The following B3GLCT variants were observed in gnomAD, a reference collection of about 807,000 sequenced individuals.
B3GLCT encodes the protein beta 3-glucosyltransferase.
A neutral mutation model predicts 63.4 loss-of-function variants in B3GLCT; 65 were observed. That is an observed-to-expected ratio of 1.03 (90% CI 0.84 to 1.26). The LOEUF is 1.26. B3GLCT is among the 50% of genes most tolerant of loss of function. B3GLCT has a pLI of 0.00. For synonymous variants in B3GLCT, 233 were observed against 219.2 expected, an observed-to-expected ratio of 1.06 and a Z score of -0.55; for missense variants, 577 against 604.8, an observed-to-expected ratio of 0.95 and a Z score of 0.48.
At chr13:31,315,183 A>G (rs570310272) in intron 12 of B3GLCT, among the ~76,000 whole-genome samples, 1 of 152,318 alleles carries the variant, frequency 6.6e-6, no homozygotes, top group African/African-American at 2.4e-5. Context: ...AAGATACTCA[A>G]ATATGTGGAA....
chr13:31,255,487 T>C (rs945251430), intron 6 of B3GLCT, among the ~76,000 whole-genome samples: 3 of 152,186 alleles, frequency 2.0e-5, no homozygotes, highest in Admixed American at 6.5e-5. Flanking sequence ...AGAGTCCACA[T>C]AGCCAAGACA....
chr13:31,272,643 A>G (rs923854885), intron 8 of B3GLCT, among the ~76,000 whole-genome samples: 7 of 152,194 alleles, frequency 4.6e-5, no homozygotes, highest in South Asian at 2.1e-4. Context: ...AATATTTAAC[A>G]TGCTTTCTTA....
In B3GLCT at chr13:31,330,995, T is replaced by C. The variant is rs1875894056; in HGVS notation, c.*1327T>C. The C allele has an allele frequency of 6.6e-6, 1 of 152,202 alleles. No individual in the cohort carries two copies. The highest frequency in any genetic ancestry group is 6.5e-5 in the Admixed American group (1 of 15,274). 9.4% of individuals were successfully genotyped at this position (152,202 alleles called of 1,614,324 possible). A position where few individuals can be genotyped will look rare whatever the true frequency, so the allele number is the denominator to read the frequency against. On this transcript the variant is annotated 3_prime_UTR_variant, in exon 15 of 15. Transcript: ENST00000343307. Reference sequence around the variant, plus strand: ...TTTGCAATAGTATTAGTATTTACCATTTTTCCAAATTAGCAACTACCAGAC... The same window carrying C: ...TTTGCAATAGTATTAGTATTTACCACTTTTCCAAATTAGCAACTACCAGAC...
intron 1 of B3GLCT, 121 bp downstream of exon 1, chr13:31,200,275 GCGCGTCCCGCCGTCCGGTCCCCGC>G (rs1411907171): frequency 1.4e-5 from 6 of 428,554 alleles, no homozygotes; most frequent in Non-Finnish European, 1.9e-5. Context: ...CCGCCGGCGC[GCGCGTCCCGCCGTCCGGTCCCCGC>G]CGCGCCGCGC....
chr13:31,224,084 GC>G (rs1358721373), intron 3 of B3GLCT, among the ~76,000 whole-genome samples: 2 of 152,088 alleles, frequency 1.3e-5, no homozygotes, highest in Non-Finnish European at 2.9e-5. Flanking sequence ...AGAGACCCCC[GC>G]CCCCGGGTGG....
At chr13:31,314,022 C>T (rs188281518) in intron 12 of B3GLCT, among the ~76,000 whole-genome samples, 160 of 152,312 alleles carry the variant, frequency 1.1e-3, no homozygotes, top group African/African-American at 3.7e-3. Context: ...TGGCAGCTTC[C>T]ATGTGGTGTT....
In B3GLCT at chr13:31,269,251, G is replaced by A. The variant is rs1358436411; in HGVS notation, c.634G>A (p.Asp212Asn). The A allele has an allele frequency of 5.0e-6, 8 of 1,608,538 alleles. No homozygotes were observed. Among genetic ancestry groups the A allele is most frequent in the South Asian group, 3.3e-5 (3 of 90,858 alleles). The change falls in exon 8 of 15, where the codon GAC becomes AAC. Residue 212 changes from aspartate (D) to asparagine (N), a missense_variant. Asp to Asn is a conservative substitution (Grantham distance 23, BLOSUM62 1). Coordinates refer to ENST00000343307, the MANE Select transcript of B3GLCT (RefSeq NM_194318.4). ...ACTAAAGAGTGAATCCTTGAAATCC[G>A]ACTTTACAATAGATTTAAAACATGA... is the stretch of plus-strand genomic sequence containing the variant. Reference protein sequence around the residue: ...KRLKSESLKSDFTIDLKHEIA... With the variant: ...KRLKSESLKSNFTIDLKHEIA...
At chr13:31,310,067 G>T (rs1874626405) in intron 12 of B3GLCT, among the ~76,000 whole-genome samples, 1 of 152,148 alleles carries the variant, frequency 6.6e-6, no homozygotes, top group African/African-American at 2.4e-5. Context: ...CAGGCTATCA[G>T]CTCAGGGTGG....
intron 12 of B3GLCT, among the ~76,000 whole-genome samples, chr13:31,316,525 T>A (rs978821495): frequency 6.7e-6 from 1 of 149,980 alleles, no homozygotes; most frequent in African/African-American, 2.4e-5. Context: ...GGTTTAATAT[T>A]TAATGATTGC....
chr13:31,272,802 A>C (rs1872628990), intron 8 of B3GLCT, among the ~76,000 whole-genome samples: 1 of 152,126 alleles, frequency 6.6e-6, no homozygotes, highest in Admixed American at 6.6e-5. Context: ...AGATATTGTC[A>C]TTATTTTATG....
At position 31,211,371 on chromosome 13, in the gene B3GLCT, G is replaced by A. The variant is rs2137738886; in HGVS notation, c.71-3680G>A. ...AGATAGTGCCACTGCACTCCACTCTGGGCAACAGAGTGAGACCTGTCTCAA... is the reference window on the plus strand; with the variant it reads ...AGATAGTGCCACTGCACTCCACTCTAGGCAACAGAGTGAGACCTGTCTCAA... On this transcript the variant is annotated intron_variant, in intron 1 of 14. Transcript: ENST00000343307. 1.3e-5 allele frequency among the ~76,000 whole-genome samples: 2 copies of A among 152,206 alleles called. 1 individual carries two copies. Among genetic ancestry groups the A allele is most frequent in the South Asian group, 4.1e-4 (2 of 4,824 alleles).
At chr13:31,216,875 A>T (rs143112841) in intron 2 of B3GLCT, among the ~76,000 whole-genome samples, 4,101 of 152,184 alleles carry the variant, frequency 0.027, 191 homozygotes, top group African/African-American at 0.094. Context: ...GGTTGATTCC[A>T]TGTCTTTGCT....
chr13:31,319,069 C>G (rs146604539), intron 13 of B3GLCT, among the ~76,000 whole-genome samples: 1 of 152,144 alleles, frequency 6.6e-6, no homozygotes, highest in Non-Finnish European at 1.5e-5. Flanking sequence ...GGGCCAGGCA[C>G]AGGGAATGCA....
intron 12 of B3GLCT, among the ~76,000 whole-genome samples, chr13:31,289,655 C>T (rs1873543603): frequency 6.6e-6 from 1 of 151,900 alleles, no homozygotes; most frequent in Non-Finnish European, 1.5e-5. Flanking sequence ...ATTTTATATC[C>T]TGCCAGAATA....
chr13:31,329,148 A>C (rs1443588882), intron 14 of B3GLCT, among the ~76,000 whole-genome samples: 1 of 152,210 alleles, frequency 6.6e-6, no homozygotes, highest in Non-Finnish European at 1.5e-5. Context: ...AAGTACCTGG[A>C]ACATAACAGT....
At chr13:31,256,894 A>G (rs547513280) in intron 6 of B3GLCT, among the ~76,000 whole-genome samples, 2 of 146,468 alleles carry the variant, frequency 1.4e-5, no homozygotes, top group African/African-American at 5.0e-5. Context: ...TGCTTTCTGT[A>G]CATGTACCCC....
chr13:31,297,375 G>GTTTT (rs35163232), intron 12 of B3GLCT, among the ~76,000 whole-genome samples: 2 of 127,784 alleles, frequency 1.6e-5, no homozygotes, highest in Non-Finnish European at 3.4e-5. Context: ...TATTTTCTGG[G>GTTTT]TTTTTTTTTT....
intron 12 of B3GLCT, among the ~76,000 whole-genome samples, chr13:31,293,947 C>T (rs1227405838): frequency 6.6e-6 from 1 of 152,120 alleles, no homozygotes; most frequent in African/African-American, 2.4e-5. Context: ...GCTGGTACCG[C>T]TTTTTCCTTT....
intron 2 of B3GLCT, among the ~76,000 whole-genome samples, chr13:31,216,338 C>G (rs1869561988): frequency 6.6e-6 from 1 of 152,166 alleles, no homozygotes; most frequent in African/African-American, 2.4e-5. Context: ...ACAGAGAAAA[C>G]TTAGCGTCAG....
Sources: allele counts gnomAD v4.1 joint callset (sites outside exome capture counted in the v4.1 genomes callset), GRCh38; gene constraint gnomAD v4.1.1; transcripts MANE v1.5; gene names NCBI Gene and HGNC (gene_info 2026-07-23, HGNC 2026-07-21).